The following GALNT17 variants were observed in gnomAD, a reference collection of about 807,000 sequenced individuals.
GALNT17 encodes the protein UDP-GalNAc:polypeptide N-acetylgalactosaminyltransferase-like 3.
In GALNT17, 29 loss-of-function variants were observed where a neutral mutation model predicts 63.7. The ratio of observed to expected loss-of-function variants is 0.46; its 90% CI spans 0.34 to 0.62. The LOEUF (loss-of-function observed/expected upper bound fraction) is 0.62. GALNT17 is among the 20% of genes least tolerant of loss of function. The pLI, the probability that GALNT17 is intolerant of heterozygous loss-of-function variation, is 0.01. For missense variants in GALNT17, 603 were observed against 799.6 expected (o/e 0.75, Z 2.97); for synonymous variants, 305 against 318.3 (o/e 0.96, Z 0.45).
At chr7:71,404,301 G>C (rs1427707677) in intron 3 of GALNT17, among the ~76,000 whole-genome samples, 1 of 152,044 alleles carries the variant, frequency 6.6e-6, no homozygotes, top group Non-Finnish European at 1.5e-5. Context: ...TTAACACTTT[G>C]GTATTTTGCA....
chr7:71,434,608 G>A (rs1391375621), intron 5 of GALNT17, among the ~76,000 whole-genome samples: 1 of 152,122 alleles, frequency 6.6e-6, no homozygotes, highest in Admixed American at 6.6e-5. Context: ...CAGAGAAATG[G>A]CCTGTTCACT....
At chr7:71,187,859 A>C (rs1165799075) in intron 1 of GALNT17, among the ~76,000 whole-genome samples, 2 of 152,186 alleles carry the variant, frequency 1.3e-5, no homozygotes, top group Admixed American at 6.6e-5. Flanking sequence ...TATACACTGC[A>C]CTCAATTTGT....
At chr7:71,155,938 T>TTTG (rs1788227090) in intron 1 of GALNT17, among the ~76,000 whole-genome samples, 1 of 151,940 alleles carries the variant, frequency 6.6e-6, no homozygotes, top group Non-Finnish European at 1.5e-5. Context: ...GGCTCATGCC[T>TTTG]GTAATCCCAG....
intron 5 of GALNT17, among the ~76,000 whole-genome samples, chr7:71,488,283 TG>T (rs573949972): frequency 1.1e-4 from 16 of 151,892 alleles, no homozygotes; most frequent in Middle Eastern, 3.4e-3. Flanking sequence ...ATGGGATGTC[TG>T]GGCAGGCAAG....
At chr7:71,181,499 G>T (rs998811146) in intron 1 of GALNT17, among the ~76,000 whole-genome samples, 2 of 152,096 alleles carry the variant, frequency 1.3e-5, no homozygotes, top group African/African-American at 2.4e-5. Flanking sequence ...CAAATTAGCT[G>T]GTGATGAGAA....
chr7:71,613,769 C>T (rs1031741087), intron 6 of GALNT17, among the ~76,000 whole-genome samples: 7 of 150,550 alleles, frequency 4.6e-5, no homozygotes, highest in African/African-American at 1.7e-4. Flanking sequence ...GCTTGGGAAA[C>T]ATAGCGAGAC....
rs147917794 is a variant in GALNT17 at position 71,332,295 on chromosome 7, A to G, written c.239-3255A>G. Among the ~76,000 whole-genome samples the G allele has an allele frequency of 5.2e-4, 75 of 145,434 alleles. No individual in the cohort carries two copies. The East Asian group carries it at 7.0e-3, about 14-fold the overall frequency. On this transcript the variant is annotated intron_variant, in intron 1 of 10. Transcript: ENST00000333538. The stretch of plus-strand genomic sequence containing the variant: ...ATTACGCTGTTCCTTGGATTTGGGG[A>G]AAAAAAAAAATCCAGTCTTTCAGGG...
At chr7:71,242,818 T>C (rs535302939) in intron 1 of GALNT17, among the ~76,000 whole-genome samples, 17 of 152,244 alleles carry the variant, frequency 1.1e-4, no homozygotes, top group Non-Finnish European at 1.5e-4. Context: ...AGAACTGATA[T>C]GCTAACTCAC....
chr7:71,386,247 C>T (rs1177030592), intron 2 of GALNT17, among the ~76,000 whole-genome samples: 5 of 152,158 alleles, frequency 3.3e-5, no homozygotes, highest in African/African-American at 1.2e-4. Flanking sequence ...TGAAAATTGC[C>T]TACATGATTA....
At chr7:71,546,660 A>G (rs1313228134) in intron 5 of GALNT17, among the ~76,000 whole-genome samples, 1 of 152,194 alleles carries the variant, frequency 6.6e-6, no homozygotes, top group Non-Finnish European at 1.5e-5. Context: ...CAACTCTCAA[A>G]AGCAGATACT....
chr7:71,381,298 C>T (rs2960869), intron 2 of GALNT17, among the ~76,000 whole-genome samples: 25,364 of 151,936 alleles, frequency 0.17, 2,562 homozygotes, highest in East Asian at 0.39. Flanking sequence ...AGCCCCCAGA[C>T]GATGCTGTTG....
intron 5 of GALNT17, among the ~76,000 whole-genome samples, chr7:71,492,248 CAG>C (rs1176535686): frequency 6.6e-6 from 1 of 152,120 alleles, no homozygotes; most frequent in African/African-American, 2.4e-5. Context: ...CACTGCCCTC[CAG>C]CCTGGAGACA....
chr7:71,172,911 A>G (rs1303228501), intron 1 of GALNT17, among the ~76,000 whole-genome samples: 1 of 152,206 alleles, frequency 6.6e-6, no homozygotes, highest in African/African-American at 2.4e-5. Flanking sequence ...AGACTGTGGA[A>G]GAACTGATGA....
In GALNT17 at chr7:71,132,988, G is replaced by A; in HGVS notation, c.186G>A (p.Ala62=). The change falls in exon 1 of 11, where the codon GCG becomes GCA. Residue 62 remains alanine, a synonymous_variant. Coordinates refer to ENST00000333538, the MANE Select transcript of GALNT17 (RefSeq NM_022479.3). ...SAHSASPIQD[A]VLKRLSLLED... ...ACAGCGCCAGCCCCATCCAGGATGC[G>A]GTCCTGAAGCGCCTGTCGCTGCTGG... The A allele has an allele frequency of 2.5e-6, 4 of 1,604,368 alleles. No homozygotes were observed. Among genetic ancestry groups the A allele is most frequent in the Non-Finnish European group, 2.6e-6 (3 of 1,176,412 alleles).
chr7:71,438,979 G>A (rs1490211933), intron 5 of GALNT17, among the ~76,000 whole-genome samples: 1 of 151,226 alleles, frequency 6.6e-6, no homozygotes, highest in African/African-American at 2.4e-5. Context: ...TGACCTCCCA[G>A]GCTCAAGGGA....
intron 5 of GALNT17, among the ~76,000 whole-genome samples, chr7:71,446,851 A>G (rs747357635): frequency 1.3e-5 from 2 of 152,158 alleles, no homozygotes; most frequent in Non-Finnish European, 2.9e-5. Flanking sequence ...GGCCGACTCT[A>G]TTCTTTTAAA....
chr7:71,406,148 A>C (rs1470119059), intron 3 of GALNT17, among the ~76,000 whole-genome samples: 1 of 152,314 alleles, frequency 6.6e-6, no homozygotes, highest in East Asian at 1.9e-4. Flanking sequence ...TGACATTTTT[A>C]GTGAGCTTGG....
At chr7:71,229,229 G>A (rs1326574862) in intron 1 of GALNT17, among the ~76,000 whole-genome samples, 1 of 152,200 alleles carries the variant, frequency 6.6e-6, no homozygotes, top group Non-Finnish European at 1.5e-5. Context: ...CGCTCAGATG[G>A]TGCTGCTGCT....
chr7:71,492,978 C>T (rs547794412), intron 5 of GALNT17, among the ~76,000 whole-genome samples: 1 of 152,148 alleles, frequency 6.6e-6, no homozygotes, highest in African/African-American at 2.4e-5. Context: ...TAGATTTCTA[C>T]TTGTATTCAA....
Sources: allele counts gnomAD v4.1 joint callset (sites outside exome capture counted in the v4.1 genomes callset), GRCh38; gene constraint gnomAD v4.1.1; transcripts MANE v1.5; gene names NCBI Gene and HGNC (gene_info 2026-07-23, HGNC 2026-07-21).